Variants in AGTPBP1 observed in about 807,000 individuals in gnomAD.
AGTPBP1 encodes the protein ATP/GTP binding carboxypeptidase 1.
AGTPBP1 carries 70 observed loss-of-function variants against 143.9 expected under a neutral mutation model. That is an observed-to-expected ratio of 0.49 (90% CI 0.40 to 0.59). The LOEUF (loss-of-function observed/expected upper bound fraction) is 0.59, where lower values mean the gene tolerates loss of function less well. Among genes scored for constraint, AGTPBP1 ranks in the 20% least tolerant of loss-of-function variants. The pLI is 0.00. For missense variants in AGTPBP1, 1,229 were observed against 1,464.5 expected, an observed-to-expected ratio of 0.84 and a Z score of 2.62; for synonymous variants, 463 against 500.2, an observed-to-expected ratio of 0.93 and a Z score of 0.99.
chr9:85,652,275 C>G (rs971590937), intron 11 of AGTPBP1, among the ~76,000 whole-genome samples: 1 of 152,136 alleles, frequency 6.6e-6, no homozygotes, highest in Non-Finnish European at 1.5e-5. Context: ...CTTTGGGAGG[C>G]TGAGGCAGGC....
chr9:85,561,103 G>A (rs1377459703), intron 25 of AGTPBP1, among the ~76,000 whole-genome samples: 1 of 152,118 alleles, frequency 6.6e-6, no homozygotes, highest in Non-Finnish European at 1.5e-5. Context: ...CGGGTGTGGT[G>A]ACTCACGCCC....
In AGTPBP1 at chr9:85,639,812, CTG is replaced by C. The variant is rs796349636; in HGVS notation, c.1302+3013_1302+3014del. Among the ~76,000 whole-genome samples the C allele has an allele frequency of 2.6e-5, 4 of 152,298 alleles. 1 individual carries two copies. Among genetic ancestry groups the C allele is most frequent in the African/African-American group, 9.6e-5 (4 of 41,584 alleles). The stretch of plus-strand genomic sequence containing the variant: ...CATCAAGAAACAAGAGAAAATAAAA[CTG>C]TAATTGTCACTATGAATAAATAAAC... On this transcript the variant is annotated intron_variant, in intron 13 of 25. Transcript: ENST00000357081.
At chr9:85,632,152 A>G (rs1319812572) in intron 14 of AGTPBP1, among the ~76,000 whole-genome samples, 1 of 152,052 alleles carries the variant, frequency 6.6e-6, no homozygotes, top group African/African-American at 2.4e-5. Context: ...TACAATGCGT[A>G]ATAATCACTT....
chr9:85,750,277 A>G, the AGTPBP1 span, among the ~76,000 whole-genome samples: 1 of 152,234 alleles, frequency 6.6e-6, no homozygotes, highest in Admixed American at 6.5e-5. Context: ...GTCTAGGGCT[A>G]TCACAGGGGC....
chr9:85,725,876 TC>T (rs1417127773), intron 1 of AGTPBP1, among the ~76,000 whole-genome samples: 4 of 150,926 alleles, frequency 2.7e-5, no homozygotes, highest in Non-Finnish European at 5.9e-5. Context: ...CGAAATCCCG[TC>T]TCTACTAAAA....
chr9:85,703,173 G>A (rs1457423267), intron 2 of AGTPBP1, among the ~76,000 whole-genome samples: 1 of 152,074 alleles, frequency 6.6e-6, no homozygotes, highest in Admixed American at 6.5e-5. Flanking sequence ...TCCTAATCTT[G>A]CCAATAACTG....
the AGTPBP1 span, among the ~76,000 whole-genome samples, chr9:85,799,810 G>A: frequency 1.1e-4 from 16 of 152,180 alleles, no homozygotes; most frequent in South Asian, 1.5e-3. Flanking sequence ...TAGCCAGTGC[G>A]CCCAGTCAAA....
the AGTPBP1 span, among the ~76,000 whole-genome samples, chr9:85,778,248 G>C: frequency 2.2e-4 from 34 of 152,288 alleles, 1 homozygote; most frequent in South Asian, 6.8e-3. Context: ...GTTCATGATA[G>C]GCAGTTCAGG....
chr9:85,784,442 C>T, the AGTPBP1 span, among the ~76,000 whole-genome samples: 6 of 152,010 alleles, frequency 3.9e-5, no homozygotes, highest in African/African-American at 1.5e-4. Flanking sequence ...GGGTCTTGCT[C>T]TGTTGCCCAG....
At chr9:85,722,606 T>C (rs1377018746) in intron 1 of AGTPBP1, among the ~76,000 whole-genome samples, 1 of 152,216 alleles carries the variant, frequency 6.6e-6, no homozygotes, top group Non-Finnish European at 1.5e-5. Context: ...TACCTTGCGA[T>C]GGGTTAGAAC....
the AGTPBP1 span, among the ~76,000 whole-genome samples, chr9:85,801,066 C>T: frequency 6.6e-6 from 1 of 152,136 alleles, no homozygotes; most frequent in East Asian, 1.9e-4. Flanking sequence ...AATCCCAGCA[C>T]TTTGGGAGGC....
intron 13 of AGTPBP1, among the ~76,000 whole-genome samples, chr9:85,639,548 C>T (rs772075065): frequency 2.6e-5 from 4 of 152,126 alleles, no homozygotes; most frequent in African/African-American, 4.8e-5. Context: ...CAAAAACATA[C>T]AAAAAGTAAT....
Position 85,689,633 on chromosome 9 carries a change from G to A in AGTPBP1, c.157+3056C>T, listed in dbSNP as rs565322044. Among the ~76,000 whole-genome samples, 3 of 151,852 alleles carry A rather than the reference G, an allele frequency of 2.0e-5. No individual in the cohort carries two copies. The South Asian group carries it at 6.2e-4, about 32-fold the overall frequency. On this transcript the variant is annotated intron_variant, in intron 3 of 25. Transcript: ENST00000357081. ...TTCTTGGCCGGGCACAGTGGCTCAC[G>A]CCTGTAATCCCAGCACTGTGGGAGG... is the stretch of plus-strand genomic sequence containing the variant.
chr9:85,752,310 A>G, the AGTPBP1 span, among the ~76,000 whole-genome samples: 1 of 152,184 alleles, frequency 6.6e-6, no homozygotes, highest in Non-Finnish European at 1.5e-5. Flanking sequence ...TCTGTCTTCC[A>G]AGTCTATTCT....
chr9:85,635,144 A>C (rs1249756490), intron 13 of AGTPBP1, among the ~76,000 whole-genome samples: 2 of 152,208 alleles, frequency 1.3e-5, no homozygotes, highest in Non-Finnish European at 1.5e-5. Context: ...CATGTTAAAA[A>C]ATTTGTATAC....
the AGTPBP1 span, among the ~76,000 whole-genome samples, chr9:85,795,856 G>GTTTTT: frequency 2.8e-3 from 199 of 70,680 alleles, 4 homozygotes; most frequent in African/African-American, 7.2e-3. Context: ...CTTCTTCTTA[G>GTTTTT]TTTTTTTTTT....
At chr9:85,795,581 T>A in the AGTPBP1 span, among the ~76,000 whole-genome samples, 2 of 152,256 alleles carry the variant, frequency 1.3e-5, no homozygotes, top group South Asian at 2.1e-4. Context: ...ACAGACCCGG[T>A]CTCTGCTTTT....
chr9:85,795,909 T>C, the AGTPBP1 span, among the ~76,000 whole-genome samples: 125 of 134,460 alleles, frequency 9.3e-4, 1 homozygote, highest in Middle Eastern at 4.5e-3. Context: ...TTTGATGAGG[T>C]TGAAGAATTG....
intron 25 of AGTPBP1, among the ~76,000 whole-genome samples, chr9:85,569,860 A>C (rs1827349074): frequency 6.6e-6 from 1 of 152,216 alleles, no homozygotes; most frequent in African/African-American, 2.4e-5. Flanking sequence ...TTCCATACTT[A>C]AAGACATATA....
Sources: gnomAD v4.1 joint callset for allele counts (sites outside exome capture counted in the v4.1 genomes callset) on GRCh38, gnomAD v4.1.1 for gene constraint, MANE v1.5 for transcripts, NCBI Gene and HGNC (gene_info 2026-07-23, HGNC 2026-07-21) for gene names.